The following QSOX2 variants were observed in gnomAD, a reference collection of about 807,000 sequenced individuals.
QSOX2 encodes the protein sulfhydryl oxidase 2.
A neutral mutation model predicts 61.7 loss-of-function variants in QSOX2; 46 were observed. The ratio of observed to expected loss-of-function variants is 0.75; its 90% CI spans 0.59 to 0.95. The LOEUF is 0.95. Among genes scored for constraint, QSOX2 ranks in the 40% least tolerant of loss-of-function variants. QSOX2 has a pLI of 0.00. For synonymous variants in QSOX2, 383 were observed against 388.4 expected (o/e 0.99, Z 0.16); for missense variants, 879 against 918.9 (o/e 0.96, Z 0.56).
intron 1 of QSOX2, among the ~76,000 whole-genome samples, chr9:136,240,325 T>C (rs1187387617): frequency 1.3e-5 from 2 of 152,268 alleles, no homozygotes; most frequent in African/African-American, 2.4e-5. Flanking sequence ...AGGTTAACTC[T>C]TTACTGCTTG....
At position 136,223,920 on chromosome 9, in the gene QSOX2, T is replaced by C; in HGVS notation, c.585-67A>G. 3 of 1,572,638 alleles carry C rather than the reference T, an allele frequency of 1.9e-6. No homozygotes were observed. The highest frequency in any genetic ancestry group is 2.2e-5 in the South Asian group (2 of 90,104). ...CAGCGAGTTGGCCACCACATCCCAG[T>C]GGCCACATCACTTAATAGAAACCTA... On this transcript the variant is annotated intron_variant, in intron 4 of 11. Coordinates refer to ENST00000358701, the MANE Select transcript of QSOX2 (RefSeq NM_181701.4). This position sits in a 1 kb window ranked among gnomAD's most constrained non-coding sequence, Gnocchi z 4.4.
chr9:136,218,903 C>T, intron 7 of QSOX2, 95 bp from the exon 8 acceptor site: 5 of 1,570,930 alleles, frequency 3.2e-6, no homozygotes, highest in Non-Finnish European at 4.3e-6. Context: ...TCCCAGGGCC[C>T]CTGGGAGGGC....
chr9:136,244,387 A>G (rs950620803), intron 1 of QSOX2, among the ~76,000 whole-genome samples: 1 of 152,204 alleles, frequency 6.6e-6, no homozygotes, highest in Non-Finnish European at 1.5e-5. Flanking sequence ...AAAGATAACC[A>G]TTTACAGTAA....
intron 10 of QSOX2, among the ~76,000 whole-genome samples, chr9:136,213,425 T>C (rs1349981794): frequency 6.6e-6 from 1 of 152,052 alleles, no homozygotes; most frequent in Non-Finnish European, 1.5e-5. Context: ...TTGCATGGTC[T>C]AGCTGGGCAT....
At chr9:136,245,339 G>C in intron 1 of QSOX2, 137 bp downstream of exon 1, 1 of 728,974 alleles carries the variant, frequency 1.4e-6, no homozygotes, top group African/African-American at 1.9e-5. Flanking sequence ...GCCTCTGTGG[G>C]GCAGGGACTG....
chr9:136,215,643 G>C (rs930448243), intron 9 of QSOX2, among the ~76,000 whole-genome samples: 4 of 152,164 alleles, frequency 2.6e-5, no homozygotes, highest in African/African-American at 7.2e-5. Context: ...AGTATTAAGA[G>C]AAAAGGCAAC....
At chr9:136,219,247 T>G in intron 6 of QSOX2, 83 bp from the exon 7 acceptor site, 1 of 1,486,608 alleles carries the variant, frequency 6.7e-7, no homozygotes, top group Non-Finnish European at 9.0e-7. Flanking sequence ...AGGACAGCTC[T>G]GGGCCACCCC....
chr9:136,236,204 C>G (rs1830379827), intron 1 of QSOX2, among the ~76,000 whole-genome samples: 1 of 152,226 alleles, frequency 6.6e-6, no homozygotes, highest in Admixed American at 6.5e-5. Flanking sequence ...CTGCTCCGCA[C>G]AGAGAGCCAG....
Position 136,245,587 on chromosome 9 carries a change from C to A in QSOX2, c.217G>T (p.Gly73Trp), listed in dbSNP as rs1268553798. The A allele has an allele frequency of 3.2e-6, 5 of 1,575,510 alleles. No homozygotes were observed. The highest frequency in any genetic ancestry group is 3.4e-5 in the Admixed American group (2 of 58,024). ...VWVLDSGSVR[G>W]ATANSSAAWL... ...GCGGCCGAGCTGTTGGCGGTGGCCC[C>A]GCGCACGCTGCCGCTGTCCAGCACC... The change falls in exon 1 of 12, where the codon GGG becomes TGG. Residue 73 changes from glycine to tryptophan, a missense_variant. Coordinates refer to ENST00000358701, the MANE Select transcript of QSOX2 (RefSeq NM_181701.4).
chr9:136,245,717 C>G lies in QSOX2; in HGVS notation c.87G>C (p.Arg29=), dbSNP rs1436267126. Residue 29 remains arginine (R), a synonymous_variant, in exon 1 of 12, where the codon CGG becomes CGC. Transcript: ENST00000358701. The part of the protein sequence containing the change: ...ALRARRSPPP[R]AARLPRLLVL... ...CTAGCAGCCGCGGCAGCCGTGCGGC[C>G]CGCGGCGGGGGCGAGCGCCGGGCTC... The G allele has an allele frequency of 3.5e-6, 4 of 1,143,100 alleles. No individual in the cohort carries two copies. The African/African-American group carries it at 4.9e-5, about 14-fold the overall frequency. 70.8% of individuals were successfully genotyped at this position (1,143,100 alleles called of 1,614,324 possible).
chr9:136,215,396 G>T, intron 9 of QSOX2, 92 bp from the exon 10 acceptor site: 7 of 829,972 alleles, frequency 8.4e-6, no homozygotes, highest in South Asian at 1.8e-5. Flanking sequence ...ACTGGGGGGG[G>T]TGGATAATGG....
intron 1 of QSOX2, among the ~76,000 whole-genome samples, chr9:136,244,353 C>T (rs776568935): frequency 6.6e-6 from 1 of 152,186 alleles, no homozygotes; most frequent in South Asian, 2.1e-4. Flanking sequence ...AAGGCCCCAG[C>T]TCTCTAAGAG....
At chr9:136,231,981 G>A (rs955628691) in intron 1 of QSOX2, among the ~76,000 whole-genome samples, 5 of 151,086 alleles carry the variant, frequency 3.3e-5, no homozygotes, top group Admixed American at 3.3e-4. Context: ...AGAAACCTCT[G>A]CTCTGGAACT....
chr9:136,221,549 G>T lies in QSOX2; in HGVS notation c.821+247C>A, dbSNP rs375073845. Among the ~76,000 whole-genome samples, 79 of 152,340 alleles carry T rather than the reference G, an allele frequency of 5.2e-4. No homozygotes were observed. In the Middle Eastern group the frequency reaches 0.01, roughly 20 times the overall value. On this transcript the variant is annotated intron_variant, in intron 6 of 11. Coordinates refer to ENST00000358701, the MANE Select transcript of QSOX2 (RefSeq NM_181701.4). This position sits in a 1 kb window ranked among gnomAD's most constrained non-coding sequence, Gnocchi z 4.5. ...GCCACGGTTTCCTCTGCGACTCTTG[G>T]TAAGTCACCACGCCAGGCTCCTCCT...
At chr9:136,242,454 G>T (rs952206018) in intron 1 of QSOX2, among the ~76,000 whole-genome samples, 4 of 152,274 alleles carry the variant, frequency 2.6e-5, no homozygotes, top group African/African-American at 9.6e-5. Flanking sequence ...CCAAGCCATG[G>T]CCTGTGTGCC....
chr9:136,215,381 T>A, intron 9 of QSOX2, 77 bp from the exon 10 acceptor site: 1 of 680,402 alleles, frequency 1.5e-6, no homozygotes, highest in Non-Finnish European at 2.2e-6. Context: ...ACAGCTGCCT[T>A]CTTGACTGGG....
intron 3 of QSOX2, 64 bp downstream of exon 3, chr9:136,224,797 G>A (rs1002064601): frequency 2.1e-5 from 25 of 1,170,556 alleles, no homozygotes; most frequent in African/African-American, 3.1e-5. Context: ...CTCTGGGACC[G>A]TGTGTCTTTA....
chr9:136,243,414 T>C (rs977876468), intron 1 of QSOX2, among the ~76,000 whole-genome samples: 1 of 152,198 alleles, frequency 6.6e-6, no homozygotes, highest in Non-Finnish European at 1.5e-5. Context: ...ACAGCCCCTT[T>C]AGCTTAACTC....
intron 10 of QSOX2, among the ~76,000 whole-genome samples, chr9:136,212,548 C>T (rs1476071215): frequency 6.6e-6 from 1 of 152,214 alleles, no homozygotes; most frequent in East Asian, 1.9e-4. Context: ...CAGAGCAGAC[C>T]ACCTCCTCCT....
Sources: gnomAD v4.1 joint callset for allele counts (sites outside exome capture counted in the v4.1 genomes callset) on GRCh38, gnomAD v4.1.1 for gene constraint, Gnocchi (gnomAD v3.1) non-coding constraint, MANE v1.5 for transcripts, NCBI Gene and HGNC (gene_info 2026-07-23, HGNC 2026-07-21) for gene names.